Variants in MARCHF10 observed in about 807,000 individuals in gnomAD.
MARCHF10 encodes membrane associated ring-CH-type finger 10, also known as probable E3 ubiquitin-protein ligase MARCHF10.
MARCHF10 carries 64 observed loss-of-function variants against 76.2 expected under a neutral mutation model. That is an observed-to-expected ratio of 0.84 (90% CI 0.69 to 1.03). MARCHF10 has a LOEUF of 1.03. Among genes scored for constraint, MARCHF10 ranks in the 50% least tolerant of loss-of-function variants. The pLI is 0.00. For missense variants in MARCHF10, 875 were observed against 958.0 expected (o/e 0.91, Z 1.14); for synonymous variants, 340 against 357.5 (o/e 0.95, Z 0.55).
chr17:62,796,261 G>C (rs2092983605), intron 2 of MARCHF10, among the ~76,000 whole-genome samples: 1 of 152,024 alleles, frequency 6.6e-6, no homozygotes. Context: ...CCAAGTGCTG[G>C]GATTACAGGC....
intron 4 of MARCHF10, among the ~76,000 whole-genome samples, chr17:62,755,638 C>T (rs756348002): frequency 2.6e-5 from 4 of 152,322 alleles, no homozygotes; most frequent in Non-Finnish European, 5.9e-5. Flanking sequence ...GCTGACTGCA[C>T]GTGAGACCCG....
intron 3 of MARCHF10, among the ~76,000 whole-genome samples, chr17:62,775,548 C>A (rs1408029648): frequency 1.3e-5 from 2 of 151,926 alleles, no homozygotes. Flanking sequence ...CCCATGGTAC[C>A]CAACACGGTG....
rs114367960 is a variant in MARCHF10 at position 62,749,516 on chromosome 17, T to G, written c.383-4988A>C. Among the ~76,000 whole-genome samples the G allele has an allele frequency of 5.7e-3, 865 of 152,334 alleles. 8 individuals are homozygous for G. The highest frequency in any genetic ancestry group is 0.02 in the African/African-American group (828 of 41,578). ...ATTACAGCTTAATCGCAGGAGCCAA[T>G]GTTGCCTTGGGGTAATAGGCAGCTT... is the stretch of plus-strand genomic sequence containing the variant. On this transcript the variant is annotated intron_variant, in intron 4 of 10. Coordinates refer to ENST00000311269, the MANE Select transcript of MARCHF10 (RefSeq NM_152598.4).
intron 4 of MARCHF10, among the ~76,000 whole-genome samples, chr17:62,758,238 A>G (rs1446686742): frequency 6.6e-6 from 1 of 152,144 alleles, no homozygotes; most frequent in Non-Finnish European, 1.5e-5. Context: ...TGTCTCTACT[A>G]AAAATACAAA....
intron 10 of MARCHF10, among the ~76,000 whole-genome samples, chr17:62,704,024 G>A (rs1027287922): frequency 6.6e-6 from 1 of 152,018 alleles, no homozygotes; most frequent in Non-Finnish European, 1.5e-5. Flanking sequence ...AAAGCGAGGC[G>A]TCTCCGGGGC....
Position 62,712,583 on chromosome 17 carries a change from G to T in MARCHF10, c.2215-1239C>A, listed in dbSNP as rs1055223832. Among the ~76,000 whole-genome samples, 1 of 152,178 alleles carries T rather than the reference G, an allele frequency of 6.6e-6. No individual in the cohort carries two copies. Among genetic ancestry groups the T allele is most frequent in the Non-Finnish European group, 1.5e-5 (1 of 68,044 alleles). On this transcript the variant is annotated intron_variant, in intron 8 of 10. Coordinates refer to ENST00000311269, the MANE Select transcript of MARCHF10 (RefSeq NM_152598.4). This position sits in a 1 kb window ranked among gnomAD's most constrained non-coding sequence, Gnocchi z 4.2. ...GACAGCCGGCCCTGAGATCACTGCT[G>T]CAGGCCTCTCCACCATTCTACAGAT...
Position 62,738,843 on chromosome 17 carries a change from C to T in MARCHF10, c.536-1511G>A, listed in dbSNP as rs576008819. ...TCAGGCCCCTCCTGGGTTTTATAAA[C>T]CCCAGTTAGAGATGCAGCAGCAATT... On this transcript the variant is annotated intron_variant, in intron 5 of 10. Transcript: ENST00000311269. The surrounding 1 kb of genome is among the most constrained non-coding windows in gnomAD (Gnocchi z 4.0). Among the ~76,000 whole-genome samples, 12 of 152,334 alleles carry T rather than the reference C, an allele frequency of 7.9e-5. No homozygotes were observed. The South Asian group carries it at 2.5e-3, about 32-fold the overall frequency.
In MARCHF10 at chr17:62,701,671, G is replaced by A; in HGVS notation, c.*32C>T. 6.2e-7 allele frequency: 1 copy of A among 1,613,774 alleles called. No individual in the cohort carries two copies. Among genetic ancestry groups the A allele is most frequent in the African/African-American group, 1.3e-5 (1 of 75,056 alleles). On this transcript the variant is annotated 3_prime_UTR_variant, in exon 11 of 11. Transcript: ENST00000311269. ...GTAGAAAGAAGGGCTGGCGGGAGAGGTCTCCGCCGAGCTCCACAGTTGGCT... is the reference window on the plus strand; with the variant it reads ...GTAGAAAGAAGGGCTGGCGGGAGAGATCTCCGCCGAGCTCCACAGTTGGCT...
chr17:62,793,804 C>T (rs1212386861), intron 2 of MARCHF10, among the ~76,000 whole-genome samples: 1 of 149,496 alleles, frequency 6.7e-6, no homozygotes, highest in Non-Finnish European at 1.5e-5. Flanking sequence ...ACCACCACCT[C>T]CATCGACCAC....
At chr17:62,757,713 G>A (rs967349195) in intron 4 of MARCHF10, among the ~76,000 whole-genome samples, 2 of 152,248 alleles carry the variant, frequency 1.3e-5, no homozygotes, top group African/African-American at 4.8e-5. Context: ...GGTCTTGGAC[G>A]TGGTCTAGGG....
chr17:62,739,983 A>G (rs2147835345), intron 5 of MARCHF10, among the ~76,000 whole-genome samples: 1 of 152,034 alleles, frequency 6.6e-6, no homozygotes, highest in African/African-American at 2.4e-5. Context: ...TGAAACATGC[A>G]TCTTCACCCC....
At chr17:62,752,349 G>A (rs1599226187) in intron 4 of MARCHF10, among the ~76,000 whole-genome samples, 1 of 152,124 alleles carries the variant, frequency 6.6e-6, no homozygotes, top group Non-Finnish European at 1.5e-5. Context: ...TGGGAGGAAG[G>A]GGAGTGCTCT....
Position 62,801,682 on chromosome 17 carries a change from C to T in MARCHF10, c.54G>A (p.Leu18=). The change falls in exon 2 of 11, where the codon CTG becomes CTA. Residue 18 remains leucine, a synonymous_variant. Coordinates refer to ENST00000311269, the MANE Select transcript of MARCHF10 (RefSeq NM_152598.4). ...AGTCCACCTTATGCTGCATGTCCCG[C>T]AGATACTGAACATCGCTGAAGAACT... ...RQKFFSDVQY[L]RDMQHKVDSE... is the part of the protein sequence containing the mutation. The T allele has an allele frequency of 2.5e-6, 4 of 1,614,210 alleles. No homozygotes were observed. The highest frequency in any genetic ancestry group is 3.4e-6 in the Non-Finnish European group (4 of 1,180,042).
At chr17:62,785,181 T>C (rs937653889) in intron 3 of MARCHF10, among the ~76,000 whole-genome samples, 30 of 152,092 alleles carry the variant, frequency 2.0e-4, no homozygotes, top group African/African-American at 7.2e-4. Flanking sequence ...AACAGATATA[T>C]AGACCAATGG....
intron 4 of MARCHF10, among the ~76,000 whole-genome samples, chr17:62,757,726 A>G (rs2092086826): frequency 6.6e-6 from 1 of 152,238 alleles, no homozygotes; most frequent in Non-Finnish European, 1.5e-5. Flanking sequence ...GTCTAGGGCC[A>G]GAACGCAGTG....
chr17:62,783,749 T>C (rs1459252000), intron 3 of MARCHF10, among the ~76,000 whole-genome samples: 1 of 152,124 alleles, frequency 6.6e-6, no homozygotes, highest in Non-Finnish European at 1.5e-5. Flanking sequence ...TAAACACCTC[T>C]ATGCAAATAA....
chr17:62,713,079 C>G (rs1434477975), intron 8 of MARCHF10, among the ~76,000 whole-genome samples: 1 of 152,136 alleles, frequency 6.6e-6, no homozygotes, highest in Non-Finnish European at 1.5e-5. Context: ...TCCTGCCCTC[C>G]CCGTGAGTCT....
chr17:62,714,166 C>T (rs2090074117), intron 8 of MARCHF10, among the ~76,000 whole-genome samples: 1 of 152,214 alleles, frequency 6.6e-6, no homozygotes, highest in African/African-American at 2.4e-5. Flanking sequence ...CACTGAGACT[C>T]TCCTGTGCGG....
rs568160582 is a variant in MARCHF10, at chr17:62,703,639, G to A, written c.2372-1881C>T. ...CTGTCTCCACCTTGGGGCCGAGAGC[G>A]GCAGGGGAGGGTTGGTGATGGGGTG... On this transcript the variant is annotated intron_variant, in intron 10 of 10. Coordinates refer to ENST00000311269, the MANE Select transcript of MARCHF10 (RefSeq NM_152598.4). Among the ~76,000 whole-genome samples, 7 of 152,340 alleles carry A rather than the reference G, an allele frequency of 4.6e-5. No homozygotes were observed. In the East Asian group the frequency reaches 9.7e-4, roughly 21 times the overall value.
Sources: allele counts gnomAD v4.1 joint callset (sites outside exome capture counted in the v4.1 genomes callset), GRCh38; gene constraint gnomAD v4.1.1; non-coding constraint Gnocchi (gnomAD v3.1); transcripts MANE v1.5; gene names NCBI Gene and HGNC (gene_info 2026-07-23, HGNC 2026-07-21).